Variants in ABCA6 observed in about 807,000 individuals in gnomAD.
ABCA6 encodes the protein ATP-binding cassette sub-family A member 6.
In ABCA6, 164 loss-of-function variants were observed where a neutral mutation model predicts 191.2. The ratio of observed to expected loss-of-function variants is 0.86; its 90% CI spans 0.76 to 0.98. The LOEUF (loss-of-function observed/expected upper bound fraction) is 0.98. ABCA6 is among the 50% of genes least tolerant of loss of function. The pLI is 0.00. For synonymous variants in ABCA6, 636 were observed against 647.7 expected (o/e 0.98, Z 0.27); for missense variants, 1,958 against 1,894.1 (o/e 1.03, Z -0.63).
intron 26 of ABCA6, 34 bp from the exon 27 acceptor site, chr17:69,089,576 T>A (rs1424854001): frequency 6.8e-7 from 1 of 1,481,436 alleles, no homozygotes; most frequent in African/African-American, 1.4e-5. Flanking sequence ...CACACACTAA[T>A]GATAATTCAT....
At chr17:69,091,786 T>TTCTTAATAAA (rs2072929221) in intron 25 of ABCA6, among the ~76,000 whole-genome samples, 1 of 19,276 alleles carries the variant, frequency 5.2e-5, no homozygotes, top group East Asian at 3.8e-4. Flanking sequence ...CCTCCCAAAG[T>TTCTTAATAAA]GCTGGGATTA....
intron 8 of ABCA6, 144 bp downstream of exon 8, chr17:69,128,475 A>G (rs1488660050): frequency 2.0e-6 from 1 of 511,108 alleles, no homozygotes; most frequent in Admixed American, 4.4e-5. Context: ...TTTTTTTACA[A>G]TGTAATAATA....
At chr17:69,086,943 CA>C (rs1567997984) in intron 29 of ABCA6, among the ~76,000 whole-genome samples, 2 of 152,096 alleles carry the variant, frequency 1.3e-5, no homozygotes, top group Non-Finnish European at 2.9e-5. Context: ...ATTGTCTTGC[CA>C]GAAGAGGGGT....
chr17:69,112,237 C>T lies in ABCA6; in HGVS notation c.2078G>A (p.Cys693Tyr). Residue 693 changes from cysteine (C) to tyrosine (Y), a missense_variant, in exon 16 of 39, where the codon TGT becomes TAT. Transcript: ENST00000284425. ...KVIMSNGRLK[C>Y]AGSSMFLKRR... ...TTTCAAAAACATAGAAGAACCTGCA[C>T]ACTTCAGTCTCCCATTGGACATGAT... 2 of 1,612,644 alleles carry T rather than the reference C, an allele frequency of 1.2e-6. No homozygotes were observed. The highest frequency in any genetic ancestry group is 1.1e-5 in the South Asian group (1 of 91,016).
intron 10 of ABCA6, among the ~76,000 whole-genome samples, chr17:69,119,491 C>T (rs1458413374): frequency 6.6e-6 from 1 of 152,026 alleles, no homozygotes; most frequent in African/African-American, 2.4e-5. Flanking sequence ...ATGCTTCACA[C>T]AGGAAACAGG....
intron 20 of ABCA6, among the ~76,000 whole-genome samples, chr17:69,103,407 CATACAT>C (rs2073223196): frequency 6.6e-6 from 1 of 152,124 alleles, no homozygotes. Context: ...CTGTATAACA[CATACAT>C]ATGTTTTACT....
intron 13 of ABCA6, among the ~76,000 whole-genome samples, chr17:69,114,213 C>T (rs2073490071): frequency 6.6e-6 from 1 of 152,064 alleles, no homozygotes; most frequent in African/African-American, 2.4e-5. Context: ...CACATATATA[C>T]CATGGAATAC....
At chr17:69,111,145 T>C in intron 16 of ABCA6, 2 of 414,534 alleles carry the variant, frequency 4.8e-6, no homozygotes, top group Admixed American at 8.1e-5. Flanking sequence ...TCAGAACAAT[T>C]ACAAAATATA....
chr17:69,085,740 A>C, intron 30 of ABCA6, 24 bp from the exon 31 acceptor site: 1 of 1,498,376 alleles, frequency 6.7e-7, no homozygotes, highest in Non-Finnish European at 9.3e-7. Context: ...TCAGACTATC[A>C]ATATTGGAAG....
chr17:69,124,645 A>T (rs552007573), intron 9 of ABCA6, among the ~76,000 whole-genome samples: 1 of 151,938 alleles, frequency 6.6e-6, no homozygotes, highest in African/African-American at 2.4e-5. Context: ...ACACAATTAC[A>T]AGATGTATTA....
At chr17:69,141,607 G>A (rs181201952) in intron 1 of ABCA6, 138 bp downstream of exon 1, 1 of 152,012 alleles carries the variant, frequency 6.6e-6, no homozygotes. Flanking sequence ...AAAAGTGGTT[G>A]GGAAAAAGCA....
chr17:69,136,300 C>A, intron 3 of ABCA6, 50 bp from the exon 4 acceptor site: 1 of 1,359,568 alleles, frequency 7.4e-7, no homozygotes, highest in South Asian at 1.7e-5. Context: ...AGAGTTTTGC[C>A]ACAACATAAT....
At chr17:69,138,123 G>A (rs2144726484) in intron 2 of ABCA6, among the ~76,000 whole-genome samples, 1 of 152,182 alleles carries the variant, frequency 6.6e-6, no homozygotes, top group South Asian at 2.1e-4. Flanking sequence ...TCACTGTCCT[G>A]GTCCCACTAT....
intron 21 of ABCA6, among the ~76,000 whole-genome samples, chr17:69,101,874 C>A (rs534358193): frequency 1.3e-5 from 2 of 152,074 alleles, no homozygotes; most frequent in African/African-American, 4.8e-5. Context: ...TGGCACAAAG[C>A]GATTACATTT....
At position 69,085,634 on chromosome 17, in the gene ABCA6, A is replaced by G; in HGVS notation, c.4020T>C (p.Thr1340=). ...IRMISGITKP[T]AGEVELKGCS... ...ACCATTTCCTCACTACCTCTCCAGC[A>G]GTTGGCTTTGTGATCCCAGATATCA... Residue 1340 remains threonine (T), a synonymous_variant, in exon 31 of 39, where the codon ACT becomes ACC. Transcript: ENST00000284425. The G allele has an allele frequency of 6.2e-7, 1 of 1,611,324 alleles. No homozygotes were observed. Among genetic ancestry groups the G allele is most frequent in the South Asian group, 1.1e-5 (1 of 90,830 alleles).
chr17:69,141,415 C>T (rs554413268), intron 1 of ABCA6, among the ~76,000 whole-genome samples: 5 of 152,092 alleles, frequency 3.3e-5, no homozygotes, highest in Admixed American at 2.6e-4. Flanking sequence ...ATAAATCACA[C>T]GGGAAAGTAA....
intron 8 of ABCA6, among the ~76,000 whole-genome samples, chr17:69,125,650 A>G (rs2073737542): frequency 6.6e-6 from 1 of 152,176 alleles, no homozygotes. Context: ...AAGTGAAATT[A>G]GAACAAAGAA....
chr17:69,098,200 A>G (rs1233777119), intron 22 of ABCA6, 173 bp from the exon 23 acceptor site: 1 of 461,942 alleles, frequency 2.2e-6, no homozygotes, highest in Non-Finnish European at 3.7e-6. Flanking sequence ...AACTCAAAGA[A>G]CAAAGAGAAG....
chr17:69,099,629 G>A (rs186818349), intron 22 of ABCA6: 18 of 154,354 alleles, frequency 1.2e-4, no homozygotes, highest in Admixed American at 2.6e-4. Flanking sequence ...TGCTGCTATC[G>A]TTCCAAAGAG....
Sources: gnomAD v4.1 joint callset for allele counts (sites outside exome capture counted in the v4.1 genomes callset) on GRCh38, gnomAD v4.1.1 for gene constraint, MANE v1.5 for transcripts, NCBI Gene and HGNC (gene_info 2026-07-23, HGNC 2026-07-21) for gene names.